CLEC16A: variants seen among roughly 807,000 people sequenced by gnomAD.
CLEC16A encodes protein CLEC16A.
A neutral mutation model predicts 109.5 loss-of-function variants in CLEC16A; 51 were observed. That is an observed-to-expected ratio of 0.47 (90% confidence interval 0.37 to 0.59). The LOEUF is 0.59. Among genes scored for constraint, CLEC16A ranks in the 20% least tolerant of loss-of-function variants. CLEC16A has a pLI of 0.00. For synonymous variants in CLEC16A, 673 were observed against 564.2 expected (o/e 1.19, Z -2.73); for missense variants, 1,339 against 1,394.0 (o/e 0.96, Z 0.63).
chr16:11,096,250 T>G (rs996473311), intron 19 of CLEC16A, among the ~76,000 whole-genome samples: 6 of 151,786 alleles, frequency 4.0e-5, no homozygotes, highest in Non-Finnish European at 5.9e-5. Flanking sequence ...GAGGCTGAGG[T>G]GGGAGGATCA....
chr16:11,126,566 G>A, intron 22 of CLEC16A: 2 of 483,560 alleles, frequency 4.1e-6, no homozygotes, highest in Non-Finnish European at 6.9e-6. Context: ...AGGCCGTGCT[G>A]CCCACAGGTC....
chr16:10,966,423 G>T (rs1026222301), intron 3 of CLEC16A, among the ~76,000 whole-genome samples: 66 of 152,146 alleles, frequency 4.3e-4, no homozygotes, highest in African/African-American at 1.5e-3. Flanking sequence ...ACTGGGCAGG[G>T]GCATGAGGAA....
chr16:11,100,727 G>C (rs1314565417), intron 19 of CLEC16A, among the ~76,000 whole-genome samples: 2 of 152,214 alleles, frequency 1.3e-5, no homozygotes, highest in Admixed American at 6.5e-5. Flanking sequence ...TGAGTGCTTA[G>C]CTCAGTGTCA....
rs185277100 is a variant in CLEC16A, at chr16:11,135,594, T to C, written c.2641+9448T>C. On this transcript the variant is annotated intron_variant, in intron 22 of 23. Transcript: ENST00000409790. Reference sequence around the variant, plus strand: ...ACCTAACTCATACTGCCAAAGCGACTGTATGCCCGGGAGCCTTCTGGTCAT... The same window carrying C: ...ACCTAACTCATACTGCCAAAGCGACCGTATGCCCGGGAGCCTTCTGGTCAT... 1.7e-3 allele frequency among the ~76,000 whole-genome samples: 263 copies of C among 152,324 alleles called. 1 individual carries two copies. Among genetic ancestry groups the C allele is most frequent in the Non-Finnish European group, 3.2e-3 (217 of 68,014 alleles).
In CLEC16A at chr16:10,944,792, C is replaced by A; in HGVS notation, c.75C>A (p.His25Gln). ...CCCGCAACATCCACTCCTTGGACCA[C>A]CTCAAGTGAGTGTGGGGGGCGTAGC... ...KTSRNIHSLD[H>Q]LKYLYHVLTK... Residue 25 changes from histidine (H) to glutamine (Q), a missense_variant, in exon 1 of 24, where the codon CAC becomes CAA. His to Gln is a conservative substitution (Grantham distance 24). Transcript: ENST00000409790. 1 of 1,607,864 alleles carries A rather than the reference C, an allele frequency of 6.2e-7. No individual in the cohort carries two copies. The highest frequency in any genetic ancestry group is 1.1e-5 in the South Asian group (1 of 90,022).
chr16:11,126,075 A>T lies in CLEC16A; in HGVS notation c.2570A>T (p.Asp857Val), dbSNP rs201408655. 15 of 1,613,634 alleles carry T rather than the reference A, an allele frequency of 9.3e-6. No individual in the cohort carries two copies. The highest frequency in any genetic ancestry group is 1.3e-5 in the African/African-American group (1 of 74,830). The part of the protein sequence containing the change: ...STQHLPFRFY[D>V]QGRRGSSDPT... ...CAGCACCTGCCTTTCCGCTTCTACG[A>T]CCAGGGGCGCCGGGGCAGCAGCGAC... The change falls in exon 22 of 24, where the codon GAC (aspartate) becomes GTC (valine). Residue 857 changes from aspartate (D) to valine (V), a missense_variant. Transcript: ENST00000409790.
At chr16:10,970,951 C>G (rs1596808334) in intron 4 of CLEC16A, among the ~76,000 whole-genome samples, 174 bp from the exon 5 acceptor site, 1 of 102,106 alleles carries the variant, frequency 9.8e-6, no homozygotes, top group Non-Finnish European at 2.1e-5. Flanking sequence ...GCCTTCCTGT[C>G]CCTTTCTACA....
At chr16:11,024,798 T>TA in intron 12 of CLEC16A, 23 bp from the exon 13 acceptor site, 1 of 1,561,516 alleles carries the variant, frequency 6.4e-7, no homozygotes, top group South Asian at 1.2e-5. Flanking sequence ...GTGAGGCTCA[T>TA]ACATGCCCCT....
intron 19 of CLEC16A, among the ~76,000 whole-genome samples, chr16:11,114,402 G>A (rs529266820): frequency 1.6e-4 from 24 of 152,162 alleles, no homozygotes; most frequent in Middle Eastern, 3.4e-3. Flanking sequence ...GGATGACCAG[G>A]CAGTCTCATG....
chr16:11,138,733 A>G (rs575969874), intron 22 of CLEC16A, among the ~76,000 whole-genome samples: 1 of 152,310 alleles, frequency 6.6e-6, no homozygotes, highest in South Asian at 2.1e-4. Context: ...TCAACAGCGT[A>G]TCCTGGAGTG....
chr16:11,060,888 A>T lies in CLEC16A; in HGVS notation c.1996-14A>T, dbSNP rs2048444794. The T allele has an allele frequency of 1.2e-6, 2 of 1,601,224 alleles. No homozygotes were observed. Among genetic ancestry groups the T allele is most frequent in the Admixed American group, 1.7e-5 (1 of 58,994 alleles). ...CAATCTCACTCTTCTCTGCTCTCTGAACTGTTGGTCCAGGCCATCCGGGTG... is the reference window on the plus strand; with the variant it reads ...CAATCTCACTCTTCTCTGCTCTCTGTACTGTTGGTCCAGGCCATCCGGGTG... On this transcript the variant is annotated splice_polypyrimidine_tract_variant and intron_variant, in intron 18 of 23. Coordinates refer to ENST00000409790, the MANE Select transcript of CLEC16A (RefSeq NM_015226.3).
intron 17 of CLEC16A, chr16:11,048,349 G>T (rs538017524): frequency 3.9e-5 from 6 of 152,372 alleles, no homozygotes; most frequent in African/African-American, 1.2e-4. Context: ...AGGTTCAGAA[G>T]ATCCCAGCTT....
At chr16:11,059,493 T>G (rs901602477) in intron 18 of CLEC16A, among the ~76,000 whole-genome samples, 11 of 152,206 alleles carry the variant, frequency 7.2e-5, no homozygotes, top group Non-Finnish European at 1.5e-4. Context: ...AAGGCAGCAC[T>G]GGGTGTAAGC....
intron 10 of CLEC16A, among the ~76,000 whole-genome samples, chr16:10,996,435 A>G (rs2044332015): frequency 6.6e-6 from 1 of 152,282 alleles, no homozygotes; most frequent in African/African-American, 2.4e-5. Flanking sequence ...AGCAGAAGTA[A>G]AAGGTGAGTG....
At chr16:11,048,972 A>G (rs567909241) in intron 17 of CLEC16A, among the ~76,000 whole-genome samples, 34 of 151,536 alleles carry the variant, frequency 2.2e-4, no homozygotes, top group South Asian at 1.0e-3. Context: ...TGACAATGCA[A>G]CCTTGAGTGC....
intron 22 of CLEC16A, among the ~76,000 whole-genome samples, chr16:11,131,984 A>G (rs1374934302): frequency 6.6e-6 from 1 of 152,172 alleles, no homozygotes; most frequent in Admixed American, 6.5e-5. Flanking sequence ...CTCAGCACTC[A>G]GGGCTCTGCT....
intron 13 of CLEC16A, among the ~76,000 whole-genome samples, chr16:11,032,661 C>T (rs997412824): frequency 3.3e-5 from 5 of 152,052 alleles, no homozygotes; most frequent in Non-Finnish European, 5.9e-5. Context: ...GGGGAGGGCT[C>T]CTCTGAGGAA....
At chr16:11,010,880 T>A (rs2045365768) in intron 11 of CLEC16A, among the ~76,000 whole-genome samples, 1 of 152,218 alleles carries the variant, frequency 6.6e-6, no homozygotes, top group African/African-American at 2.4e-5. Flanking sequence ...TCCTCCTTTT[T>A]TTGTTCTAAT....
At chr16:10,966,744 A>C (rs975299970) in intron 3 of CLEC16A, among the ~76,000 whole-genome samples, 2 of 152,140 alleles carry the variant, frequency 1.3e-5, no homozygotes, top group Non-Finnish European at 2.9e-5. Flanking sequence ...AAACCATCAC[A>C]TCTCGTGAGA....
Sources: gnomAD v4.1 joint callset for allele counts (sites outside exome capture counted in the v4.1 genomes callset) on GRCh38, gnomAD v4.1.1 for gene constraint, MANE v1.5 for transcripts, NCBI Gene and HGNC (gene_info 2026-07-23, HGNC 2026-07-21) for gene names.